The following SNX9 variants were observed in gnomAD, a reference collection of about 807,000 sequenced individuals.
The protein encoded by SNX9 is sorting nexin-9.
SNX9 carries 44 observed loss-of-function variants against 89.4 expected under a neutral mutation model. That is an observed-to-expected ratio of 0.49 (90% CI 0.39 to 0.63). SNX9 has a LOEUF of 0.63. SNX9 is among the 30% of genes least tolerant of loss of function. The pLI is 0.00. For synonymous variants in SNX9, 236 were observed against 247.8 expected (o/e 0.95, Z 0.45); for missense variants, 578 against 736.1 (o/e 0.79, Z 2.49).
chr6:157,933,251 A>C (rs1024695384), intron 13 of SNX9, among the ~76,000 whole-genome samples: 1 of 152,086 alleles, frequency 6.6e-6, no homozygotes, highest in Non-Finnish European at 1.5e-5. Context: ...CCATGATCAC[A>C]CCACTGCACT....
intron 1 of SNX9, among the ~76,000 whole-genome samples, chr6:157,833,943 G>A (rs1781522129): frequency 6.6e-6 from 1 of 152,126 alleles, no homozygotes; most frequent in South Asian, 2.1e-4. Context: ...CCAGACAGCT[G>A]AGCAAGGAGA....
intron 1 of SNX9, among the ~76,000 whole-genome samples, chr6:157,826,849 T>TATATATAAATATATATTATAGTTTA (rs1781362685): frequency 2.3e-4 from 10 of 44,270 alleles, no homozygotes; most frequent in Non-Finnish European, 1.2e-4. Flanking sequence ...TATTATATTT[T>TATATATAAATATATATTATAGTTTA]ATATATAAAT....
At chr6:157,929,704 A>G (rs1562622126) in intron 12 of SNX9, among the ~76,000 whole-genome samples, 2 of 152,218 alleles carry the variant, frequency 1.3e-5, no homozygotes, top group Non-Finnish European at 2.9e-5. Context: ...TGTTCTTGTA[A>G]TGATTTTTTT....
chr6:157,858,573 A>G (rs1427832877), intron 1 of SNX9, among the ~76,000 whole-genome samples: 1 of 152,096 alleles, frequency 6.6e-6, no homozygotes, highest in African/African-American at 2.4e-5. Context: ...GCAAATTGGT[A>G]TTGATATAGG....
chr6:157,839,839 C>G (rs1781659789), intron 1 of SNX9, among the ~76,000 whole-genome samples: 1 of 152,180 alleles, frequency 6.6e-6, no homozygotes, highest in African/African-American at 2.4e-5. Context: ...TGCTGTGCTG[C>G]TTGAGGACAT....
rs916712950 is a variant in SNX9, at chr6:157,943,880, A to C, written c.*1042A>C. The C allele has an allele frequency of 1.3e-5, 2 of 152,314 alleles. No individual in the cohort carries two copies. The highest frequency in any genetic ancestry group is 4.8e-5 in the African/African-American group (2 of 41,396). 9.4% of individuals were successfully genotyped at this position (152,314 alleles called of 1,614,324 possible). ...AGTTGGTGTCATCAGCAAAGAGAAA[A>C]AGCACAGGTTAGCTCCCCATTAGAT... On this transcript the variant is annotated 3_prime_UTR_variant, in exon 18 of 18. Coordinates refer to ENST00000392185, the MANE Select transcript of SNX9 (RefSeq NM_016224.5).
chr6:157,907,243 A>C (rs1475341073), intron 7 of SNX9, among the ~76,000 whole-genome samples: 5 of 152,064 alleles, frequency 3.3e-5, no homozygotes, highest in African/African-American at 1.2e-4. Flanking sequence ...AACTCCTCAA[A>C]ATCAAGAGCG....
At chr6:157,850,996 C>T (rs1781899256) in intron 1 of SNX9, among the ~76,000 whole-genome samples, 1 of 152,162 alleles carries the variant, frequency 6.6e-6, no homozygotes, top group South Asian at 2.1e-4. Context: ...TGGCTCATGC[C>T]TGTAATCCCA....
chr6:157,896,556 G>T (rs1782981110), intron 4 of SNX9, among the ~76,000 whole-genome samples: 1 of 152,204 alleles, frequency 6.6e-6, no homozygotes, highest in African/African-American at 2.4e-5. Context: ...GGCTGTAGCT[G>T]CATCTAATAG....
At chr6:157,828,158 G>C (rs1436392524) in intron 1 of SNX9, among the ~76,000 whole-genome samples, 1 of 152,068 alleles carries the variant, frequency 6.6e-6, no homozygotes, top group Non-Finnish European at 1.5e-5. Flanking sequence ...TTTGGAAAAT[G>C]CTAACCATTT....
intron 10 of SNX9, among the ~76,000 whole-genome samples, chr6:157,926,199 G>A (rs903243926): frequency 3.3e-5 from 5 of 152,134 alleles, no homozygotes; most frequent in Non-Finnish European, 4.4e-5. Flanking sequence ...AGAGATTACC[G>A]GTTACCTTTG....
At chr6:157,910,295 G>A (rs372896212) in intron 9 of SNX9, among the ~76,000 whole-genome samples, 13 of 152,188 alleles carry the variant, frequency 8.5e-5, no homozygotes, top group Non-Finnish European at 1.3e-4. Context: ...CTTCATTGCT[G>A]TACCTTTTCT....
intron 9 of SNX9, among the ~76,000 whole-genome samples, chr6:157,912,975 A>T (rs1783381063): frequency 6.6e-6 from 1 of 152,240 alleles, no homozygotes; most frequent in Admixed American, 6.5e-5. Context: ...GCTATGTCAG[A>T]AAAATTTTCA....
intron 4 of SNX9, among the ~76,000 whole-genome samples, chr6:157,894,069 T>A (rs1782920278): frequency 6.6e-6 from 1 of 151,286 alleles, no homozygotes; most frequent in Non-Finnish European, 1.5e-5. Flanking sequence ...TTCAGCTGGA[T>A]CCCTGTATCA....
chr6:157,867,482 C>T (rs1439995986), intron 1 of SNX9, 65 bp from the exon 2 acceptor site: 9 of 1,262,094 alleles, frequency 7.1e-6, no homozygotes, highest in Non-Finnish European at 1.0e-5. Flanking sequence ...GAACTGTACA[C>T]CTTTTGTGTT....
chr6:157,939,426 TA>T (rs3840369), intron 16 of SNX9, among the ~76,000 whole-genome samples: 44,425 of 151,198 alleles, frequency 0.29, 7,526 homozygotes, highest in African/African-American at 0.47. Flanking sequence ...TAAAAGGGAG[TA>T]AAAAAAAATC....
At position 157,823,463 on chromosome 6, in the gene SNX9, G is replaced by C. The variant is rs1312261189; in HGVS notation, c.12+17G>C. ...GCCACCAAGGTGAGGGGCGCGCGGCGCAGGCCGGGCCGGTCGCTCAGGCCC... is the reference window on the plus strand; with the variant it reads ...GCCACCAAGGTGAGGGGCGCGCGGCCCAGGCCGGGCCGGTCGCTCAGGCCC... On this transcript the variant is annotated intron_variant, in intron 1 of 17. Coordinates refer to ENST00000392185, the MANE Select transcript of SNX9 (RefSeq NM_016224.5). This position sits in a 1 kb window ranked among gnomAD's most constrained non-coding sequence, Gnocchi z 4.6. 8.3e-7 allele frequency: 1 copy of C among 1,203,012 alleles called. No homozygotes were observed. The highest frequency in any genetic ancestry group is 1.6e-5 in the African/African-American group (1 of 62,102). 74.5% of individuals were successfully genotyped at this position (1,203,012 alleles called of 1,614,324 possible). A position where few individuals can be genotyped will look rare whatever the true frequency, so the allele number is the denominator to read the frequency against.
intron 9 of SNX9, among the ~76,000 whole-genome samples, chr6:157,913,198 C>T (rs1039030623): frequency 6.6e-6 from 1 of 152,186 alleles, no homozygotes; most frequent in Non-Finnish European, 1.5e-5. Context: ...GTTTGCAATG[C>T]TTTAGTACAA....
chr6:157,885,411 A>C (rs1782713067), intron 4 of SNX9: 1 of 152,250 alleles, frequency 6.6e-6, no homozygotes, highest in Non-Finnish European at 1.5e-5. Flanking sequence ...ACAAAACAGG[A>C]AACTTGTCAA....
Sources: gnomAD v4.1 joint callset for allele counts (sites outside exome capture counted in the v4.1 genomes callset) on GRCh38, gnomAD v4.1.1 for gene constraint, Gnocchi (gnomAD v3.1) non-coding constraint, MANE v1.5 for transcripts, NCBI Gene and HGNC (gene_info 2026-07-23, HGNC 2026-07-21) for gene names.